AGBL1: variants seen among roughly 807,000 people sequenced by gnomAD.
AGBL1 encodes the protein AGBL carboxypeptidase 1.
A neutral mutation model predicts 118.9 loss-of-function variants in AGBL1; 130 were observed. That is an observed-to-expected ratio of 1.09 (90% CI 0.95 to 1.26). The LOEUF (loss-of-function observed/expected upper bound fraction) is 1.26. AGBL1 is among the 50% of genes most tolerant of loss of function. The pLI, the probability that AGBL1 is intolerant of heterozygous loss-of-function variation, is 0.00. For missense variants in AGBL1, 1,584 were observed against 1,298.1 expected (o/e 1.22, Z -3.38); for synonymous variants, 555 against 478.9 (o/e 1.16, Z -2.08).
intron 20 of AGBL1, among the ~76,000 whole-genome samples, chr15:86,548,904 G>T (rs1243978400): frequency 2.0e-5 from 3 of 152,216 alleles, no homozygotes; most frequent in South Asian, 2.1e-4. Context: ...GCCTCAGAAA[G>T]CTTCCAATCG....
intron 17 of AGBL1, among the ~76,000 whole-genome samples, chr15:86,388,787 A>G (rs949805525): frequency 6.6e-6 from 1 of 152,204 alleles, no homozygotes; most frequent in Non-Finnish European, 1.5e-5. Context: ...CCTTATAAGC[A>G]AGATAGTGAT....
At chr15:86,670,487 A>G (rs1596354498) in intron 21 of AGBL1, among the ~76,000 whole-genome samples, 1 of 151,278 alleles carries the variant, frequency 6.6e-6, no homozygotes. Context: ...ATCTGTAATC[A>G]CAGCTACTCG....
chr15:86,442,718 G>A (rs1318063575), intron 18 of AGBL1, among the ~76,000 whole-genome samples: 1 of 152,170 alleles, frequency 6.6e-6, no homozygotes, highest in Non-Finnish European at 1.5e-5. Context: ...TAGCTCTGGT[G>A]GATTATGGGA....
chr15:86,693,336 A>T (rs1271582959), intron 22 of AGBL1, among the ~76,000 whole-genome samples: 1 of 152,000 alleles, frequency 6.6e-6, no homozygotes, highest in African/African-American at 2.4e-5. Flanking sequence ...TTTTATTTGC[A>T]TTTCCCTGAT....
chr15:86,172,301 T>C (rs1477801340), intron 5 of AGBL1, among the ~76,000 whole-genome samples: 1 of 152,248 alleles, frequency 6.6e-6, no homozygotes, highest in Non-Finnish European at 1.5e-5. Flanking sequence ...TCACACAATG[T>C]GTAATGATAA....
At chr15:86,766,445 T>C (rs1156365819) in intron 22 of AGBL1, among the ~76,000 whole-genome samples, 2 of 151,998 alleles carry the variant, frequency 1.3e-5, no homozygotes, top group Non-Finnish European at 2.9e-5. Context: ...CTCAGACAAG[T>C]TAATAATTGA....
chr15:86,700,024 A>G (rs1396165888), intron 22 of AGBL1, among the ~76,000 whole-genome samples: 1 of 151,998 alleles, frequency 6.6e-6, no homozygotes, highest in Non-Finnish European at 1.5e-5. Flanking sequence ...TTCTGTGGTA[A>G]GGAAGAGCTA....
chr15:86,938,791 C>T (rs1445225443), intron 23 of AGBL1: 2 of 152,138 alleles, frequency 1.3e-5, no homozygotes, highest in Non-Finnish European at 2.9e-5. Flanking sequence ...CAGATTCTGG[C>T]CCCAGTAGAA....
intron 18 of AGBL1, among the ~76,000 whole-genome samples, chr15:86,458,418 A>C (rs2082287922): frequency 6.6e-6 from 1 of 152,180 alleles, no homozygotes; most frequent in Non-Finnish European, 1.5e-5. Flanking sequence ...CTCTTTACCA[A>C]GTGACAGATT....
intron 21 of AGBL1, among the ~76,000 whole-genome samples, chr15:86,633,427 T>A (rs1439433868): frequency 2.0e-5 from 3 of 152,180 alleles, no homozygotes; most frequent in Non-Finnish European, 4.4e-5. Flanking sequence ...ATATATATAC[T>A]GTAACATTTG....
At chr15:87,006,250 T>A (rs1197690430) in intron 24 of AGBL1, among the ~76,000 whole-genome samples, 1 of 152,106 alleles carries the variant, frequency 6.6e-6, no homozygotes, top group Non-Finnish European at 1.5e-5. Flanking sequence ...TCTGCAGAGG[T>A]TTCTGCTGCC....
intron 17 of AGBL1, among the ~76,000 whole-genome samples, chr15:86,373,026 T>C (rs2080991805): frequency 6.6e-6 from 1 of 152,208 alleles, no homozygotes; most frequent in African/African-American, 2.4e-5. Flanking sequence ...TTTTTGTTTA[T>C]AGTTTCTGGC....
At chr15:86,937,203 G>C (rs2080687238) in intron 23 of AGBL1, among the ~76,000 whole-genome samples, 1 of 152,218 alleles carries the variant, frequency 6.6e-6, no homozygotes, top group Admixed American at 6.5e-5. Context: ...CACTGTTAGT[G>C]GGAGTGTAAA....
chr15:86,869,598 A>G (rs1392660785), intron 22 of AGBL1, among the ~76,000 whole-genome samples: 1 of 152,200 alleles, frequency 6.6e-6, no homozygotes, highest in African/African-American at 2.4e-5. Context: ...CGATATGTGG[A>G]TAAAGCCTAG....
At chr15:86,206,570 A>G (rs2077995776) in intron 5 of AGBL1, among the ~76,000 whole-genome samples, 1 of 152,160 alleles carries the variant, frequency 6.6e-6, no homozygotes, top group Non-Finnish European at 1.5e-5. Context: ...GCCAGTGATG[A>G]TGAGCATTTT....
chr15:86,366,738 A>G (rs1218591831), intron 17 of AGBL1, among the ~76,000 whole-genome samples: 2 of 152,204 alleles, frequency 1.3e-5, no homozygotes, highest in Non-Finnish European at 2.9e-5. Context: ...CCAGACTCCC[A>G]AATCCTGGAA....
At chr15:86,948,593 A>G (rs2080849243) in intron 23 of AGBL1, among the ~76,000 whole-genome samples, 1 of 152,198 alleles carries the variant, frequency 6.6e-6, no homozygotes. Flanking sequence ...TGCGTGGCCC[A>G]TCATATTTCT....
chr15:86,256,852 G>A lies in AGBL1; in HGVS notation c.736-1G>A, dbSNP rs1390867. On this transcript the variant is annotated splice_acceptor_variant, in intron 7 of 22. Transcript: ENST00000614907. LOFTEE classifies it high-confidence loss of function. ...TCTGATATAATCTTCCCTTTGCTCA[G>A]AACTGCCTGGATGACAAGAGCATGG... The A allele has an allele frequency of 6.2e-7, 1 of 1,613,760 alleles. No individual in the cohort carries two copies. The highest frequency in any genetic ancestry group is 8.5e-7 in the Non-Finnish European group (1 of 1,179,830).
At chr15:86,195,342 G>A (rs917992759) in intron 5 of AGBL1, among the ~76,000 whole-genome samples, 3 of 152,114 alleles carry the variant, frequency 2.0e-5, no homozygotes, top group Non-Finnish European at 2.9e-5. Flanking sequence ...GACTAAATTA[G>A]ACACACACAT....
Sources: allele counts gnomAD v4.1 joint callset (sites outside exome capture counted in the v4.1 genomes callset), GRCh38; gene constraint gnomAD v4.1.1; transcripts MANE v1.5; gene names NCBI Gene and HGNC (gene_info 2026-07-23, HGNC 2026-07-21).